TTLL5: variants seen among roughly 807,000 people sequenced by gnomAD.
TTLL5 encodes tubulin tyrosine ligase like 5, also known as tubulin polyglutamylase TTLL5.
Under a neutral mutation model 168.4 loss-of-function variants are expected in TTLL5, and 132 were observed. The observed-to-expected ratio is 0.78, with a 90% CI of 0.68 to 0.91. TTLL5 has a LOEUF of 0.91. Among genes scored for constraint, TTLL5 ranks in the 40% least tolerant of loss-of-function variants. The pLI, the probability that TTLL5 is intolerant of heterozygous loss-of-function variation, is 0.00. For missense variants in TTLL5, 1,545 were observed against 1,581.5 expected, an observed-to-expected ratio of 0.98 and a Z score of 0.39; for synonymous variants, 546 against 558.6, an observed-to-expected ratio of 0.98 and a Z score of 0.32.
At chr14:75,941,064 T>C (rs2034586853) in intron 31 of TTLL5, among the ~76,000 whole-genome samples, 5 of 152,346 alleles carry the variant, frequency 3.3e-5, no homozygotes, top group Admixed American at 3.3e-4. Context: ...CTGAACCAGA[T>C]GCCTGCATTA....
chr14:75,689,928 G>A (rs1007385238), intron 5 of TTLL5: 1 of 344,416 alleles, frequency 2.9e-6, no homozygotes, highest in African/African-American at 2.2e-5. Context: ...AATTGTATGT[G>A]TTTGTCCAAA....
At position 75,776,783 on chromosome 14, in the gene TTLL5, A is replaced by G. The variant is rs756980323; in HGVS notation, c.2320A>G (p.Lys774Glu). 6.2e-7 allele frequency: 1 copy of G among 1,613,988 alleles called. No individual in the cohort carries two copies. Among genetic ancestry groups the G allele is most frequent in the South Asian group, 1.1e-5 (1 of 91,066 alleles). The change falls in exon 23 of 32, where the codon AAA becomes GAA. Residue 774 changes from lysine to glutamate, a missense_variant. Coordinates refer to ENST00000298832, the MANE Select transcript of TTLL5 (RefSeq NM_015072.5). ...AATGGCTGAAAAGAAATCAAAGAAGAAAGTTGAGGAAGAAGAGGAAGATGG... is the reference window on the plus strand; with the variant it reads ...AATGGCTGAAAAGAAATCAAAGAAGGAAGTTGAGGAAGAAGAGGAAGATGG... The part of the protein sequence containing the change: ...EQMAEKKSKK[K>E]VEEEEEDGVN...
chr14:75,788,403 G>A (rs1439529444), intron 26 of TTLL5, among the ~76,000 whole-genome samples: 1 of 151,844 alleles, frequency 6.6e-6, no homozygotes, highest in East Asian at 1.9e-4. Flanking sequence ...AGAAGACATG[G>A]ATAAATAATA....
At chr14:75,902,049 C>A in intron 30 of TTLL5, 93 bp from the exon 31 acceptor site, 1 of 1,031,816 alleles carries the variant, frequency 9.7e-7, no homozygotes, top group Non-Finnish European at 1.5e-6. Context: ...ACAGGAGAAG[C>A]AGCACCAAGA....
In TTLL5 at chr14:75,775,619, G is replaced by A; in HGVS notation, c.2272G>A (p.Val758Ile). Residue 758 changes from valine (V) to isoleucine (I), a missense_variant, in exon 22 of 32, where the codon GTA (valine) becomes ATA (isoleucine). Transcript: ENST00000298832. ...LAHQLGDFII[V>I]YNKETEQMAE... is the part of the protein sequence containing the mutation. Reference sequence around the variant, plus strand: ...CCACCAGCTGGGTGACTTTATCATTGTATACAACAAGGTAAGTCTTTTTCT... The same window carrying A: ...CCACCAGCTGGGTGACTTTATCATTATATACAACAAGGTAAGTCTTTTTCT... 1.2e-6 allele frequency: 2 copies of A among 1,614,024 alleles called. No homozygotes were observed. Among genetic ancestry groups the A allele is most frequent in the South Asian group, 1.1e-5 (1 of 91,076 alleles).
chr14:75,662,040 C>CT (rs1287741510), intron 1 of TTLL5, among the ~76,000 whole-genome samples: 1 of 152,054 alleles, frequency 6.6e-6, no homozygotes, highest in African/African-American at 2.4e-5. Context: ...CGAACATGTA[C>CT]TTTTTTACTT....
intron 28 of TTLL5, among the ~76,000 whole-genome samples, chr14:75,835,874 A>G (rs1384608416): frequency 2.0e-5 from 3 of 152,184 alleles, no homozygotes; most frequent in African/African-American, 7.2e-5. Context: ...AAAATGGCTT[A>G]TATCCAAAAG....
chr14:75,783,333 A>ACCAG lies in TTLL5; in HGVS notation c.2793_2796dup (p.Thr933AlafsTer53). 1 of 1,614,086 alleles carries ACCAG rather than the reference A, an allele frequency of 6.2e-7. No homozygotes were observed. Among genetic ancestry groups the ACCAG allele is most frequent in the Non-Finnish European group, 8.5e-7 (1 of 1,180,018 alleles). Reference sequence around the variant, plus strand: ...CCTTCAGCTATCCCCAGCATGCCTCACCAGCCAACAATTTTACTGAACACA... The same window carrying ACCAG: ...CCTTCAGCTATCCCCAGCATGCCTCACCAGCCAGCCAACAATTTTACTGAACACA... On this transcript the variant is annotated frameshift_variant, in exon 26 of 32. Coordinates refer to ENST00000298832, the MANE Select transcript of TTLL5 (RefSeq NM_015072.5). LOFTEE classifies it high-confidence loss of function.
intron 31 of TTLL5, among the ~76,000 whole-genome samples, chr14:75,925,866 C>T (rs1388362805): frequency 6.6e-6 from 1 of 152,050 alleles, no homozygotes; most frequent in Non-Finnish European, 1.5e-5. Context: ...CCGGCCAACA[C>T]AGCGAAACCC....
chr14:75,819,209 A>G (rs1043677037), intron 27 of TTLL5, among the ~76,000 whole-genome samples: 13 of 152,220 alleles, frequency 8.5e-5, no homozygotes, highest in Admixed American at 5.2e-4. Flanking sequence ...GTTTTGTTGT[A>G]TAGTTCCCAG....
At chr14:75,682,200 A>AG (rs1361969944) in intron 4 of TTLL5, among the ~76,000 whole-genome samples, 4 of 151,750 alleles carry the variant, frequency 2.6e-5, no homozygotes, top group African/African-American at 9.7e-5. Flanking sequence ...AAAAAAAAAA[A>AG]AAAAAACAAA....
At position 75,896,491 on chromosome 14, in the gene TTLL5, T is replaced by G. The variant is rs79854991; in HGVS notation, c.3741-5651T>G. ...TAGCTTTGCTCTTCCTGTAAAATCT[T>G]GAGCATTTTCCTTTTGTGAGTCCTT... is the stretch of plus-strand genomic sequence containing the variant. On this transcript the variant is annotated intron_variant, in intron 30 of 31. Transcript: ENST00000298832. 9.8e-5 allele frequency among the ~76,000 whole-genome samples: 15 copies of G among 152,322 alleles called. 1 individual carries two copies. In the East Asian group the frequency reaches 2.9e-3, roughly 29 times the overall value.
intron 9 of TTLL5, chr14:75,710,450 T>C (rs1044108268): frequency 7.3e-5 from 11 of 151,310 alleles, no homozygotes; most frequent in Admixed American, 5.3e-4. Context: ...TGGATGTTTT[T>C]TCACAGAATA....
intron 10 of TTLL5, among the ~76,000 whole-genome samples, chr14:75,718,504 T>C (rs534106558): frequency 6.6e-6 from 1 of 152,294 alleles, no homozygotes; most frequent in East Asian, 1.9e-4. Flanking sequence ...TAAAGCTGCT[T>C]ATTTTTGCTG....
At chr14:75,665,800 C>T (rs979217880) in intron 2 of TTLL5, among the ~76,000 whole-genome samples, 2 of 152,060 alleles carry the variant, frequency 1.3e-5, no homozygotes, top group South Asian at 2.1e-4. Flanking sequence ...TGCAGTGAGC[C>T]GAGATTGTGC....
intron 31 of TTLL5, among the ~76,000 whole-genome samples, chr14:75,909,027 C>T (rs1245860458): frequency 6.6e-6 from 1 of 152,090 alleles, no homozygotes; most frequent in African/African-American, 2.4e-5. Flanking sequence ...ATCCACCTGC[C>T]TTGGCCTCCC....
chr14:75,796,094 T>C (rs1403740208), intron 27 of TTLL5, among the ~76,000 whole-genome samples: 2 of 152,160 alleles, frequency 1.3e-5, no homozygotes, highest in Admixed American at 1.3e-4. Flanking sequence ...CCAACATCTA[T>C]TATTTTTTGA....
intron 4 of TTLL5, among the ~76,000 whole-genome samples, chr14:75,682,716 G>A (rs1236312500): frequency 1.3e-5 from 2 of 150,954 alleles, no homozygotes; most frequent in African/African-American, 4.9e-5. Flanking sequence ...TAAAAGTCTG[G>A]TTCCTAGCTT....
Position 75,692,432 on chromosome 14 carries a change from G to C in TTLL5, c.502+2110G>C, listed in dbSNP as rs78578423. Among the ~76,000 whole-genome samples the C allele has an allele frequency of 4.1e-3, 623 of 152,170 alleles. 3 individuals carry two copies. The highest frequency in any genetic ancestry group is 0.01 in the Middle Eastern group (3 of 294). Reference sequence around the variant, plus strand: ...TAATAACTACTATTAATTAGTATTAGTTAAACAATACTAATTAATATTATT... The same window carrying C: ...TAATAACTACTATTAATTAGTATTACTTAAACAATACTAATTAATATTATT... On this transcript the variant is annotated intron_variant, in intron 6 of 31. Coordinates refer to ENST00000298832, the MANE Select transcript of TTLL5 (RefSeq NM_015072.5).
Sources: allele counts gnomAD v4.1 joint callset (sites outside exome capture counted in the v4.1 genomes callset), GRCh38; gene constraint gnomAD v4.1.1; transcripts MANE v1.5; gene names NCBI Gene and HGNC (gene_info 2026-07-23, HGNC 2026-07-21).